The following ZNHIT3 variants were observed in gnomAD, a reference collection of about 807,000 sequenced individuals.
The protein encoded by ZNHIT3 is zinc finger HIT-type containing 3, also known as zinc finger HIT domain-containing protein 3.
In ZNHIT3, 27 loss-of-function variants were observed where a neutral mutation model predicts 19.9. That is an observed-to-expected ratio of 1.36 (90% CI 1.00 to 1.87). The LOEUF is 1.87. Among genes scored for constraint, ZNHIT3 ranks in the 40% most tolerant of loss-of-function variants. The probability of loss-of-function intolerance (pLI) is 0.00; values close to 1 mark genes in which losing one functional copy is unlikely to be tolerated. For synonymous variants in ZNHIT3, 81 were observed against 65.7 expected (o/e 1.23, Z -1.13); for missense variants, 215 against 185.6 (o/e 1.16, Z -0.92).
downstream of ZNHIT3, chr17:36,495,825 TTTG>T (rs1387455387): frequency 1.6e-6 from 2 of 1,241,936 alleles, no homozygotes; most frequent in East Asian, 6.2e-5. Flanking sequence ...ATACTAAAGT[TTTG>T]TTCCTTTTTA....
At chr17:36,494,229 C>T (rs992631868) in intron 4 of ZNHIT3, among the ~76,000 whole-genome samples, 1 of 152,218 alleles carries the variant, frequency 6.6e-6, no homozygotes, top group Non-Finnish European at 1.5e-5. Context: ...CAAAATTCTG[C>T]TCCTCCTTCA....
chr17:36,498,657 G>A (rs904806971), downstream of ZNHIT3: 3 of 1,356,006 alleles, frequency 2.2e-6, no homozygotes, highest in South Asian at 1.5e-5. Context: ...TCTTAACAAG[G>A]TGAACTGAAG....
chr17:36,495,522 G>A lies in ZNHIT3; in HGVS notation c.*118G>A. The A allele has an allele frequency of 5.0e-6, 7 of 1,388,944 alleles. No individual in the cohort carries two copies. Among genetic ancestry groups the A allele is most frequent in the Non-Finnish European group, 6.5e-6 (7 of 1,075,130 alleles). 86.0% of individuals were successfully genotyped at this position (1,388,944 alleles called of 1,614,324 possible). On this transcript the variant is annotated 3_prime_UTR_variant, in exon 5 of 5. Coordinates refer to ENST00000617429, the MANE Select transcript of ZNHIT3 (RefSeq NM_004773.4). The stretch of plus-strand genomic sequence containing the variant: ...CTCAGGCAAAAGAGGTTTCCAGGAT[G>A]CAGATTAGGTCATGCAGGCCTTTAC...
rs1000208710 is a variant in ZNHIT3 at position 36,495,475 on chromosome 17, C to G, written c.*71C>G. ...AACCTGCCTGCTCCCTCTCCCAGACCAGCTAGTTTGGGGCTGGGGAGCTCA... is the reference window on the plus strand; with the variant it reads ...AACCTGCCTGCTCCCTCTCCCAGACGAGCTAGTTTGGGGCTGGGGAGCTCA... On this transcript the variant is annotated 3_prime_UTR_variant, in exon 5 of 5. Coordinates refer to ENST00000617429, the MANE Select transcript of ZNHIT3 (RefSeq NM_004773.4). 1.4e-5 allele frequency: 21 copies of G among 1,472,956 alleles called. No homozygotes were observed. The African/African-American group carries it at 2.3e-4, about 16-fold the overall frequency. 91.2% of individuals were successfully genotyped at this position (1,472,956 alleles called of 1,614,324 possible).
At chr17:36,496,594 C>T (rs1380752778), downstream of ZNHIT3, among the ~76,000 whole-genome samples, 1 of 152,112 alleles carries the variant, frequency 6.6e-6, no homozygotes, top group African/African-American at 2.4e-5. Context: ...TAGGAGGAGG[C>T]GCTCCCTAAG....
chr17:36,488,476 C>T (rs368731758), intron 2 of ZNHIT3, among the ~76,000 whole-genome samples: 44 of 150,922 alleles, frequency 2.9e-4, no homozygotes, highest in African/African-American at 1.0e-3. Context: ...ACCATGGAGA[C>T]GCAGGTTGCA....
intron 1 of ZNHIT3, 44 bp downstream of exon 1, chr17:36,486,829 C>T (rs763379295): frequency 1.0e-5 from 16 of 1,541,750 alleles, no homozygotes; most frequent in African/African-American, 5.7e-5. Flanking sequence ...GGTGTCCGGC[C>T]ATGGCGGGAG....
intron 2 of ZNHIT3, chr17:36,492,552 A>G (rs2070750857): frequency 2.1e-6 from 1 of 478,032 alleles, no homozygotes; most frequent in African/African-American, 2.0e-5. Context: ...TTGTGGTGAG[A>G]ATTTTGTAAG....
intron 4 of ZNHIT3, among the ~76,000 whole-genome samples, chr17:36,494,317 T>C (rs1449860489): frequency 6.6e-6 from 1 of 152,240 alleles, no homozygotes; most frequent in Non-Finnish European, 1.5e-5. Context: ...GGCACTTTTT[T>C]GGTTTCCCAT....
At chr17:36,493,709 A>T (rs2070779468) in intron 3 of ZNHIT3, among the ~76,000 whole-genome samples, 1 of 152,238 alleles carries the variant, frequency 6.6e-6, no homozygotes, top group African/African-American at 2.4e-5. Flanking sequence ...ATTTGTTAAA[A>T]TCACCAATTC....
chr17:36,494,457 CACAA>C (rs1263993467), intron 4 of ZNHIT3, among the ~76,000 whole-genome samples: 1 of 152,208 alleles, frequency 6.6e-6, no homozygotes, highest in African/African-American at 2.4e-5. Context: ...CAGCCCTTAA[CACAA>C]ACTGGTTATC....
chr17:36,493,137 C>A, intron 3 of ZNHIT3: 1 of 573,898 alleles, frequency 1.7e-6, no homozygotes, highest in Non-Finnish European at 3.1e-6. Context: ...TGAGAAAGGC[C>A]ATGGCTGTGG....
intron 2 of ZNHIT3, chr17:36,492,054 G>C (rs899706086): frequency 2.6e-5 from 4 of 152,288 alleles, no homozygotes; most frequent in African/African-American, 9.6e-5. Context: ...GGCAGCTGTT[G>C]TAACTGCCAC....
At chr17:36,498,675 G>C, downstream of ZNHIT3, 1 of 1,251,536 alleles carries the variant, frequency 8.0e-7, no homozygotes, top group Non-Finnish European at 1.1e-6. Flanking sequence ...AAGGCACCTG[G>C]TTGCAAACAG....
At chr17:36,488,184 G>C (rs979767965) in intron 2 of ZNHIT3, among the ~76,000 whole-genome samples, 2 of 147,978 alleles carry the variant, frequency 1.4e-5, no homozygotes, top group African/African-American at 5.0e-5. Context: ...TTAGCTTTTA[G>C]AATCTCAGCA....
In ZNHIT3 at chr17:36,495,244, G is replaced by A. The variant is rs759442384; in HGVS notation, c.308G>A (p.Ser103Asn). 6.3e-7 allele frequency: 1 copy of A among 1,586,182 alleles called. No homozygotes were observed. Among genetic ancestry groups the A allele is most frequent in the Non-Finnish European group, 8.5e-7 (1 of 1,171,544 alleles). The change falls in exon 5 of 5, where the codon AGC becomes AAC. Residue 103 changes from serine to asparagine, a missense_variant. Physicochemically the swap from Ser to Asn is conservative, Grantham distance 46. Coordinates refer to ENST00000617429, the MANE Select transcript of ZNHIT3 (RefSeq NM_004773.4). Reference protein sequence around the residue: ...KNLGESATLRSLLLNPHLRQL... With the variant: ...KNLGESATLRNLLLNPHLRQL... The stretch of plus-strand genomic sequence containing the variant: ...TTAGGGGAATCTGCAACATTAAGAA[G>A]CTTATTGCTCAATCCACACCTCAGG...
intron 2 of ZNHIT3, among the ~76,000 whole-genome samples, chr17:36,488,105 A>G (rs930644879): frequency 1.3e-5 from 2 of 151,994 alleles, no homozygotes; most frequent in African/African-American, 4.8e-5. Context: ...AAAAAAAAAA[A>G]AAAAAAAGCT....
downstream of ZNHIT3, chr17:36,499,223 C>T: frequency 1.6e-6 from 2 of 1,227,760 alleles, no homozygotes; most frequent in Non-Finnish European, 2.3e-6. Context: ...TGTCAGTGAC[C>T]TCGCTGCAGC....
At chr17:36,487,843 C>T (rs1404818526) in intron 2 of ZNHIT3, among the ~76,000 whole-genome samples, 1 of 151,554 alleles carries the variant, frequency 6.6e-6, no homozygotes, top group East Asian at 1.9e-4. Context: ...GTGGGTCACG[C>T]CTGTAATCCC....
Sources: gnomAD v4.1 joint callset for allele counts (sites outside exome capture counted in the v4.1 genomes callset) on GRCh38, gnomAD v4.1.1 for gene constraint, MANE v1.5 for transcripts, NCBI Gene and HGNC (gene_info 2026-07-23, HGNC 2026-07-21) for gene names.